WDR75: variants seen among roughly 807,000 people sequenced by gnomAD.
WDR75 encodes the protein WD repeat-containing protein 75.
In WDR75, 52 loss-of-function variants were observed where a neutral mutation model predicts 106.1. The observed-to-expected ratio is 0.49, with a 90% CI of 0.39 to 0.62. WDR75 has a LOEUF of 0.62. Among genes scored for constraint, WDR75 ranks in the 20% least tolerant of loss-of-function variants. The pLI is 0.00. For synonymous variants in WDR75, 333 were observed against 335.5 expected (o/e 0.99, Z 0.08); for missense variants, 905 against 970.3 (o/e 0.93, Z 0.89).
intron 2 of WDR75, chr2:189,449,193 A>G: frequency 5.6e-6 from 7 of 1,244,146 alleles, no homozygotes; most frequent in Non-Finnish European, 6.4e-6. Context: ...TTATCTCAAC[A>G]ATATTTTGTT....
At chr2:189,459,238 G>A in intron 7 of WDR75, 98 bp from the exon 8 acceptor site, 1 of 842,780 alleles carries the variant, frequency 1.2e-6, no homozygotes, top group African/African-American at 1.8e-5. Flanking sequence ...TTATGATTTA[G>A]TATGTTTGGT....
chr2:189,456,172 G>T (rs535267691), intron 5 of WDR75, among the ~76,000 whole-genome samples: 2 of 152,122 alleles, frequency 1.3e-5, no homozygotes, highest in African/African-American at 4.8e-5. Context: ...CTTCAGCATT[G>T]TTAGTCATCA....
At chr2:189,462,350 C>T (rs2304703) in intron 8 of WDR75, 134 bp from the exon 9 acceptor site, 640,775 of 987,444 alleles carry the variant, frequency 0.65, 212,700 homozygotes, top group Non-Finnish European at 0.69. Context: ...TTAAAAGATA[C>T]GAAGACACTT....
chr2:189,472,387 AG>A (rs1335693206), intron 18 of WDR75, among the ~76,000 whole-genome samples: 1 of 152,208 alleles, frequency 6.6e-6, no homozygotes, highest in Non-Finnish European at 1.5e-5. Context: ...TAGAGAACTA[AG>A]GAGGAGCTAA....
chr2:189,464,169 C>G (rs1574200051), intron 11 of WDR75: 1 of 548,214 alleles, frequency 1.8e-6, no homozygotes, highest in Non-Finnish European at 3.2e-6. Context: ...AGTTGGCACT[C>G]CTGTACGTGC....
At chr2:189,459,463 A>T in intron 8 of WDR75, 39 bp downstream of exon 8, 6 of 1,540,792 alleles carry the variant, frequency 3.9e-6, no homozygotes, top group Non-Finnish European at 4.5e-6. Flanking sequence ...ACTTTTGAAG[A>T]TATGATTCAA....
In WDR75 at chr2:189,470,178, A is replaced by G. The variant is rs940205073; in HGVS notation, c.1922A>G (p.Glu641Gly). Residue 641 changes from glutamate (E) to glycine (G), a missense_variant, in exon 17 of 21, where the codon GAA becomes GGA. Transcript: ENST00000314761. ...GTGTTTGTTCCACGAGATGTCCCTG[A>G]ATCCTTCACCTCAGAAGCTTACCAG... ...WGVFVPRDVP[E>G]SFTSEAYQWL... 6.2e-7 allele frequency: 1 copy of G among 1,613,680 alleles called. No individual in the cohort carries two copies. The highest frequency in any genetic ancestry group is 8.5e-7 in the Non-Finnish European group (1 of 1,179,646).
intron 13 of WDR75, 31 bp from the exon 14 acceptor site, chr2:189,467,437 T>G: frequency 6.4e-7 from 1 of 1,559,198 alleles, no homozygotes; most frequent in Non-Finnish European, 8.7e-7. Context: ...ATTTACACAA[T>G]TTCTGAACAT....
intron 4 of WDR75, among the ~76,000 whole-genome samples, chr2:189,452,376 G>A (rs1056630820): frequency 3.3e-5 from 5 of 152,028 alleles, no homozygotes; most frequent in Admixed American, 1.3e-4. Context: ...TGGCTAACAC[G>A]GTGAAACCCC....
chr2:189,460,946 C>T (rs75288308), intron 8 of WDR75, among the ~76,000 whole-genome samples: 9,935 of 152,110 alleles, frequency 0.065, 492 homozygotes, highest in African/African-American at 0.14. Context: ...AAAATAGCTG[C>T]GTAAATATAA....
chr2:189,448,580 G>C, intron 2 of WDR75, 72 bp downstream of exon 2: 1 of 1,563,746 alleles, frequency 6.4e-7, no homozygotes, highest in Non-Finnish European at 8.7e-7. Flanking sequence ...AGTTGAATTT[G>C]ACTGAGAAAC....
chr2:189,461,613 T>A (rs901907660), intron 8 of WDR75, among the ~76,000 whole-genome samples: 2 of 152,222 alleles, frequency 1.3e-5, no homozygotes, highest in Non-Finnish European at 2.9e-5. Flanking sequence ...ATTTCTCTTA[T>A]AATCAGCTAA....
intron 1 of WDR75, among the ~76,000 whole-genome samples, chr2:189,445,885 A>G (rs1327265224): frequency 6.6e-6 from 1 of 152,226 alleles, no homozygotes; most frequent in Non-Finnish European, 1.5e-5. Flanking sequence ...AGAGAGTGCA[A>G]AACCATGGAG....
At chr2:189,449,734 T>C in intron 2 of WDR75, 1 of 987,168 alleles carries the variant, frequency 1.0e-6, no homozygotes, top group Non-Finnish European at 1.2e-6. Context: ...TACTAGTCCA[T>C]ATTTATGATT....
chr2:189,469,987 A>G, intron 16 of WDR75, 89 bp from the exon 17 acceptor site: 1 of 1,145,226 alleles, frequency 8.7e-7, no homozygotes, highest in South Asian at 1.5e-5. Context: ...CAATGGGGTG[A>G]GTCCCAGGAT....
intron 1 of WDR75, among the ~76,000 whole-genome samples, chr2:189,442,780 C>G (rs993123751): frequency 8.6e-5 from 13 of 151,980 alleles, no homozygotes; most frequent in African/African-American, 3.1e-4. Context: ...GAGTGTACGA[C>G]AGGTAGTTGT....
chr2:189,465,714 G>C (rs1364214066), intron 12 of WDR75, among the ~76,000 whole-genome samples: 1 of 152,102 alleles, frequency 6.6e-6, no homozygotes. Flanking sequence ...ACTTGGCTTA[G>C]AGCTTTGTAC....
chr2:189,466,541 A>C lies in WDR75; in HGVS notation c.1406A>C (p.Tyr469Ser). Reference sequence around the variant, plus strand: ...TTGGTTACAGCTAGCAAAGATGGTTACTTCAAAGTATGGATATTAACAGAT... The same window carrying C: ...TTGGTTACAGCTAGCAAAGATGGTTCCTTCAAAGTATGGATATTAACAGAT... Reference protein sequence around the residue: ...PTLVTASKDGYFKVWILTDDS... With the variant: ...PTLVTASKDGSFKVWILTDDS... Residue 469 changes from tyrosine (Y) to serine (S), a missense_variant, in exon 13 of 21, where the codon TAC becomes TCC. Coordinates refer to ENST00000314761, the MANE Select transcript of WDR75 (RefSeq NM_032168.3). 1 of 1,613,230 alleles carries C rather than the reference A, an allele frequency of 6.2e-7. No homozygotes were observed. Among genetic ancestry groups the C allele is most frequent in the Non-Finnish European group, 8.5e-7 (1 of 1,179,364 alleles).
intron 9 of WDR75, among the ~76,000 whole-genome samples, chr2:189,462,888 A>G (rs1450056638): frequency 6.6e-6 from 1 of 152,198 alleles, no homozygotes; most frequent in South Asian, 2.1e-4. Flanking sequence ...TTGATGTGCC[A>G]CTTACATTTT....
Sources: gnomAD v4.1 joint callset for allele counts (sites outside exome capture counted in the v4.1 genomes callset) on GRCh38, gnomAD v4.1.1 for gene constraint, MANE v1.5 for transcripts, NCBI Gene and HGNC (gene_info 2026-07-23, HGNC 2026-07-21) for gene names.